Variants in PIK3R6 observed in about 807,000 individuals in gnomAD.
PIK3R6 encodes the protein phosphoinositide-3-kinase regulatory subunit 6, also known as phosphoinositide 3-kinase regulatory subunit 6.
In PIK3R6, 91 loss-of-function variants were observed where a neutral mutation model predicts 84.9. The ratio of observed to expected loss-of-function variants is 1.07; its 90% CI spans 0.90 to 1.28. PIK3R6 has a LOEUF of 1.28. PIK3R6 is among the 50% of genes most tolerant of loss of function. The probability of loss-of-function intolerance (pLI) is 0.00; values close to 1 mark genes in which losing one functional copy is unlikely to be tolerated. For synonymous variants in PIK3R6, 416 were observed against 411.4 expected, an observed-to-expected ratio of 1.01 and a Z score of -0.13; for missense variants, 996 against 985.1, an observed-to-expected ratio of 1.01 and a Z score of -0.15.
rs780048964 is a variant in PIK3R6, at chr17:8,803,241, T to A, written c.*32A>T. ...TGTTTGGAGTTGGTGGGGTAGTGTA[T>A]CCTTCCTCCTGGGCCTGCTGTCCCT... On this transcript the variant is annotated 3_prime_UTR_variant, in exon 20 of 20. Coordinates refer to ENST00000619866, the MANE Select transcript of PIK3R6 (RefSeq NM_001010855.4). The surrounding 1 kb of genome is among the most constrained non-coding windows in gnomAD (Gnocchi z 5.0). 31 of 1,610,854 alleles carry A rather than the reference T, an allele frequency of 1.9e-5. No individual in the cohort carries two copies. The highest frequency in any genetic ancestry group is 2.6e-5 in the Non-Finnish European group (31 of 1,179,200).
intron 10 of PIK3R6, 98 bp downstream of exon 10, chr17:8,829,608 A>T (rs1156667843): frequency 8.0e-7 from 1 of 1,249,176 alleles, no homozygotes; most frequent in Non-Finnish European, 1.1e-6. Context: ...GCATACACAC[A>T]CTGACACACG....
At chr17:8,846,268 T>G (rs2088813218) in intron 2 of PIK3R6, among the ~76,000 whole-genome samples, 1 of 152,208 alleles carries the variant, frequency 6.6e-6, no homozygotes, top group East Asian at 1.9e-4. Context: ...ATCAGGTGGC[T>G]GTAGGTATGT....
rs528576451 is a variant in PIK3R6 at position 8,825,888 on chromosome 17, G to A, written c.1515+1284C>T. ...GTGGATAGGCAAGTTACAACTATGG[G>A]AAAAAAATCTGCAACATATGTAACA... On this transcript the variant is annotated intron_variant, in intron 13 of 19. Transcript: ENST00000619866. Among the ~76,000 whole-genome samples, 8 of 152,206 alleles carry A rather than the reference G, an allele frequency of 5.3e-5. No individual in the cohort carries two copies. The South Asian group carries it at 1.5e-3, about 28-fold the overall frequency.
At position 8,821,887 on chromosome 17, in the gene PIK3R6, G is replaced by A. The variant is rs758268547; in HGVS notation, c.1838C>T (p.Thr613Ile). The A allele has an allele frequency of 3.1e-6, 5 of 1,597,432 alleles. No homozygotes were observed. The highest frequency in any genetic ancestry group is 1.3e-5 in the African/African-American group (1 of 74,760). The change falls in exon 17 of 20, where the codon ACT becomes ATT. Residue 613 changes from threonine to isoleucine, a missense_variant. Physicochemically the swap from Thr to Ile is moderately conservative, Grantham distance 89. Coordinates refer to ENST00000619866, the MANE Select transcript of PIK3R6 (RefSeq NM_001010855.4). ...PREVTVSLRATGLILKAIPAS... is the reference protein window; with the variant it reads ...PREVTVSLRAIGLILKAIPAS... ...TGGAATGGCCTTCAGGATCAGCCCA[G>A]TGGCCCGCAGGGAAACGGTGACCTC...
chr17:8,866,226 C>T (rs897549753), intron 1 of PIK3R6, among the ~76,000 whole-genome samples: 1 of 152,068 alleles, frequency 6.6e-6, no homozygotes, highest in Non-Finnish European at 1.5e-5. Context: ...TATTTGAAAA[C>T]CACATAGAGC....
intron 2 of PIK3R6, among the ~76,000 whole-genome samples, chr17:8,843,034 G>A (rs966576307): frequency 2.6e-5 from 4 of 152,164 alleles, no homozygotes; most frequent in African/African-American, 9.7e-5. Flanking sequence ...GGCAAGGCCT[G>A]GTCCTGAATC....
intron 1 of PIK3R6, among the ~76,000 whole-genome samples, chr17:8,856,172 T>C (rs1029054007): frequency 6.6e-6 from 1 of 152,240 alleles, no homozygotes; most frequent in African/African-American, 2.4e-5. Flanking sequence ...TCTTTATCTC[T>C]TTTTTAGTCA....
At chr17:8,865,239 C>T (rs2089379129) in intron 1 of PIK3R6, among the ~76,000 whole-genome samples, 1 of 152,166 alleles carries the variant, frequency 6.6e-6, no homozygotes. Flanking sequence ...CCAGATCTGA[C>T]TGTCCCTTGT....
rs966619776 is a variant in PIK3R6, at chr17:8,831,582, A to C, written c.802+1307T>G. On this transcript the variant is annotated intron_variant, in intron 9 of 19. Coordinates refer to ENST00000619866, the MANE Select transcript of PIK3R6 (RefSeq NM_001010855.4). ...GAATGTTAAAGTAAAAGAGCGGACA[A>C]CTTCGAAGATGGAGTCTTTAGGCAG... 5.4e-4 allele frequency among the ~76,000 whole-genome samples: 82 copies of C among 152,158 alleles called. 1 individual carries two copies. Among genetic ancestry groups the C allele is most frequent in the African/African-American group, 1.9e-3 (78 of 41,502 alleles).
At chr17:8,841,504 T>C (rs887232538) in intron 2 of PIK3R6, among the ~76,000 whole-genome samples, 1 of 152,218 alleles carries the variant, frequency 6.6e-6, no homozygotes, top group Admixed American at 6.5e-5. Context: ...TCCCGACCCT[T>C]GATGTCTCCT....
intron 1 of PIK3R6, among the ~76,000 whole-genome samples, chr17:8,859,073 C>A: frequency 6.6e-6 from 1 of 152,208 alleles, no homozygotes; most frequent in African/African-American, 2.4e-5. Context: ...AATGAAGAAA[C>A]AAAGCCTGAG....
chr17:8,829,288 TCATG>T (rs1358202940), intron 10 of PIK3R6, among the ~76,000 whole-genome samples: 1 of 113,006 alleles, frequency 8.8e-6, no homozygotes, highest in Non-Finnish European at 1.8e-5. Context: ...CACACACGCA[TCATG>T]CATACACACA....
chr17:8,804,775 CA>C (rs1484292635), intron 18 of PIK3R6, among the ~76,000 whole-genome samples: 1 of 152,204 alleles, frequency 6.6e-6, no homozygotes, highest in African/African-American at 2.4e-5. Flanking sequence ...GGTTGTGGTT[CA>C]TCCCACACAC....
intron 1 of PIK3R6, among the ~76,000 whole-genome samples, chr17:8,860,290 G>T (rs868504241): frequency 1.2e-4 from 16 of 130,728 alleles, no homozygotes; most frequent in Middle Eastern, 3.7e-3. Flanking sequence ...CTCCTGGGGC[G>T]GGGGGCGGTG....
At chr17:8,851,352 C>G (rs913684226) in intron 1 of PIK3R6, among the ~76,000 whole-genome samples, 16 of 151,958 alleles carry the variant, frequency 1.1e-4, no homozygotes, top group African/African-American at 3.6e-4. Context: ...AAAAATTAGC[C>G]GGGCGTGGTG....
At chr17:8,805,561 A>G (rs916458884) in intron 18 of PIK3R6, among the ~76,000 whole-genome samples, 2 of 152,194 alleles carry the variant, frequency 1.3e-5, no homozygotes, top group African/African-American at 4.8e-5. Context: ...AGACGGGGCA[A>G]CTCCATGACA....
intron 18 of PIK3R6, among the ~76,000 whole-genome samples, chr17:8,809,871 A>G (rs1347634032): frequency 6.6e-6 from 1 of 152,218 alleles, no homozygotes; most frequent in Non-Finnish European, 1.5e-5. Context: ...CTATACTTAT[A>G]TCAGATAAAA....
intron 10 of PIK3R6, 95 bp downstream of exon 10, chr17:8,829,609 CTG>C: frequency 8.0e-7 from 1 of 1,255,618 alleles, no homozygotes; most frequent in African/African-American, 1.6e-5. Context: ...CATACACACA[CTG>C]ACACACGCAT....
chr17:8,857,007 C>G (rs1166246529), intron 1 of PIK3R6, among the ~76,000 whole-genome samples: 2 of 75,208 alleles, frequency 2.7e-5, no homozygotes, highest in African/African-American at 8.4e-5. Context: ...GCTTTCCCCA[C>G]AGCTGGCTCC....
Sources: gnomAD v4.1 joint callset for allele counts (sites outside exome capture counted in the v4.1 genomes callset) on GRCh38, gnomAD v4.1.1 for gene constraint, Gnocchi (gnomAD v3.1) non-coding constraint, MANE v1.5 for transcripts, NCBI Gene and HGNC (gene_info 2026-07-23, HGNC 2026-07-21) for gene names.